MIF: variants seen among roughly 807,000 people sequenced by gnomAD.
MIF encodes the protein L-dopachrome isomerase.
A neutral mutation model predicts 11.3 loss-of-function variants in MIF; 16 were observed. That is an observed-to-expected ratio of 1.42 (90% CI 0.96 to 2.16). The LOEUF is 2.16. MIF is among the 30% of genes most tolerant of loss of function. The probability of loss-of-function intolerance (pLI) is 0.00; values close to 1 mark genes in which losing one functional copy is unlikely to be tolerated. For synonymous variants in MIF, 83 were observed against 74.2 expected (o/e 1.12, Z -0.61); for missense variants, 229 against 165.3 (o/e 1.39, Z -2.11).
chr22:23,894,635 G>A (rs1339907073), intron 1 of MIF, 53 bp downstream of exon 1: 4 of 1,564,090 alleles, frequency 2.6e-6, no homozygotes, highest in Admixed American at 3.5e-5. Flanking sequence ...GAGGGGTTCC[G>A]CGCTGGGAGC....
At chr22:23,894,622 G>C in intron 1 of MIF, 40 bp downstream of exon 1, 2 of 1,588,996 alleles carry the variant, frequency 1.3e-6, no homozygotes, top group Non-Finnish European at 1.7e-6. Context: ...GTGCCCACCG[G>C]ACGAGGGGTT....
intron 1 of MIF, 37 bp from the exon 2 acceptor site, chr22:23,894,735 G>A (rs1168687213): frequency 1.9e-5 from 29 of 1,490,298 alleles, no homozygotes; most frequent in Non-Finnish European, 2.5e-5. Flanking sequence ...GCCCGACGAG[G>A]TCGCTGGGGC....
Position 23,895,041 on chromosome 22 carries a change from G to T in MIF, c.283G>T (p.Val95Phe), listed in dbSNP as rs2033133621. ...GAGTCCGGCCTCCTCCCCCCGCAGG[G>T]TCTACATCAACTATTACGACATGAA... ...AERLRISPDR[V>F]YINYYDMNAA... is the part of the protein sequence containing the mutation. The change falls in exon 3 of 3, where the codon GTC becomes TTC. Residue 95 changes from valine to phenylalanine, a missense_variant and splice_region_variant. Physicochemically the swap from Val to Phe is conservative, Grantham distance 50. Transcript: ENST00000215754. 6.4e-7 allele frequency: 1 copy of T among 1,552,610 alleles called. No individual in the cohort carries two copies. The highest frequency in any genetic ancestry group is 8.7e-7 in the Non-Finnish European group (1 of 1,147,564).
intron 1 of MIF, 88 bp downstream of exon 1, chr22:23,894,670 C>T: frequency 2.4e-6 from 2 of 848,938 alleles, no homozygotes; most frequent in Non-Finnish European, 3.4e-6. Context: ...CTGAACGGAG[C>T]TGGGGGGCGG....
chr22:23,894,989 G>A (rs201753606), intron 2 of MIF, 45 bp downstream of exon 2: 4 of 1,542,276 alleles, frequency 2.6e-6, no homozygotes, highest in South Asian at 2.4e-5. Flanking sequence ...GCGGCGCGCG[G>A]CCAGGCCCGG....
chr22:23,895,134 C>G lies in MIF; in HGVS notation c.*28C>G. On this transcript the variant is annotated 3_prime_UTR_variant, in exon 3 of 3. Transcript: ENST00000215754. ...GCCGCAGGGACCCACGCTGTCTGCG[C>G]TGGCTCCACCCGGGAACCCGCCGCA... 6.5e-7 allele frequency: 1 copy of G among 1,550,010 alleles called. No individual in the cohort carries two copies. Among genetic ancestry groups the G allele is most frequent in the South Asian group, 1.2e-5 (1 of 84,094 alleles).
rs201956930 is a variant in MIF at position 23,895,097 on chromosome 22, C to T, written c.339C>T (p.Thr113=). The part of the protein sequence containing the change: ...NAANVGWNNS[T]FA ...CCAATGTGGGCTGGAACAACTCCAC[C>T]TTCGCCTAAGAGCCGCAGGGACCCA... The change falls in exon 3 of 3, where the codon ACC becomes ACT. Residue 113 remains threonine (T), a synonymous_variant. Transcript: ENST00000215754. 1 of 1,556,394 alleles carries T rather than the reference C, an allele frequency of 6.4e-7. No individual in the cohort carries two copies. The highest frequency in any genetic ancestry group is 1.2e-5 in the South Asian group (1 of 84,524).
In MIF at chr22:23,894,864, G is replaced by A; in HGVS notation, c.201G>A (p.Lys67=). The A allele has an allele frequency of 6.4e-7, 1 of 1,553,794 alleles. No homozygotes were observed. ...CALCSLHSIG[K]IGGAQNRSYS... is the part of the protein sequence containing the mutation. The stretch of plus-strand genomic sequence containing the variant: ...TCTGCAGCCTGCACAGCATCGGCAA[G>A]ATCGGCGGCGCGCAGAACCGCTCCT... The change falls in exon 2 of 3, where the codon AAG becomes AAA. Residue 67 remains lysine, a synonymous_variant. Coordinates refer to ENST00000215754, the MANE Select transcript of MIF (RefSeq NM_002415.2).
chr22:23,894,777 CGCGGTG>C lies in MIF; in HGVS notation c.115_120del (p.Ala39_Val40del), dbSNP rs2033124504. Reference sequence around the variant, plus strand: ...ACCGCGCCCTTTCCTCGCAGTACATCGCGGTGCACGTGGTCCCGGACCAGCTCATGG... The same window carrying C: ...ACCGCGCCCTTTCCTCGCAGTACATCCACGTGGTCCCGGACCAGCTCATGG... On this transcript the variant is annotated inframe_deletion, in exon 2 of 3. Transcript: ENST00000215754. 1 of 1,537,636 alleles carries C rather than the reference CGCGGTG, an allele frequency of 6.5e-7. No homozygotes were observed. The highest frequency in any genetic ancestry group is 1.9e-5 in the Admixed American group (1 of 51,912).
Position 23,895,191 on chromosome 22 carries a change from T to G in MIF, c.*85T>G, listed in dbSNP as rs774146748. Reference sequence around the variant, plus strand: ...GTTCTAGGCCCGCCCACCCCAACCTTCTGGTGGGGAGAAATAAACGGTTTA... The same window carrying G: ...GTTCTAGGCCCGCCCACCCCAACCTGCTGGTGGGGAGAAATAAACGGTTTA... On this transcript the variant is annotated 3_prime_UTR_variant, in exon 3 of 3. Coordinates refer to ENST00000215754, the MANE Select transcript of MIF (RefSeq NM_002415.2). 2.2e-6 allele frequency: 3 copies of G among 1,344,526 alleles called. No homozygotes were observed. Among genetic ancestry groups the G allele is most frequent in the Non-Finnish European group, 3.1e-6 (3 of 958,526 alleles). 83.3% of individuals were successfully genotyped at this position (1,344,526 alleles called of 1,614,324 possible). A position where few individuals can be genotyped will look rare whatever the true frequency, so the allele number is the denominator to read the frequency against.
rs1207904304 is a variant in MIF, at chr22:23,894,950, C to T, written c.281+6C>T. ...CTGCGCATCAGCCCGGACAGGTACG[C>T]GGAGTCGCGGAGGGGCGGGGGAGGG... On this transcript the variant is annotated splice_donor_region_variant and intron_variant, in intron 2 of 2. Coordinates refer to ENST00000215754, the MANE Select transcript of MIF (RefSeq NM_002415.2). The T allele has an allele frequency of 6.5e-7, 1 of 1,550,132 alleles. No homozygotes were observed. Among genetic ancestry groups the T allele is most frequent in the Non-Finnish European group, 8.7e-7 (1 of 1,147,196 alleles).
Position 23,894,407 on chromosome 22 carries a change from G to A in MIF, c.-68G>A. 2 of 1,307,822 alleles carry A rather than the reference G, an allele frequency of 1.5e-6. No individual in the cohort carries two copies. The highest frequency in any genetic ancestry group is 1.1e-6 in the Non-Finnish European group (1 of 905,784). The allele number at this position is 1,307,822 out of a possible 1,614,324, so 81.0% of individuals were successfully genotyped here. On this transcript the variant is annotated 5_prime_UTR_variant, in exon 1 of 3. Coordinates refer to ENST00000215754, the MANE Select transcript of MIF (RefSeq NM_002415.2). ...CAGTGGTGTCCGAGAAGTCAGGCAC[G>A]TAGCTCAGCGGCGGCCGCGGCGCGT... is the stretch of plus-strand genomic sequence containing the variant.
At position 23,894,899 on chromosome 22, in the gene MIF, T is replaced by C; in HGVS notation, c.236T>C (p.Leu79Pro). The C allele has an allele frequency of 6.4e-7, 1 of 1,554,222 alleles. No individual in the cohort carries two copies. ...GGAQNRSYSKLLCGLLAERLR... is the reference protein window; with the variant it reads ...GGAQNRSYSKPLCGLLAERLR... ...GCGCAGAACCGCTCCTACAGCAAGC[T>C]GCTGTGCGGCCTGCTGGCCGAGCGC... The change falls in exon 2 of 3, where the codon CTG becomes CCG. Residue 79 changes from leucine (L) to proline (P), a missense_variant. Transcript: ENST00000215754.
At position 23,895,031 on chromosome 22, in the gene MIF, C is replaced by T. The variant is rs189811391; in HGVS notation, c.282-9C>T. ...GCCACCCGCTGAGTCCGGCCTCCTC[C>T]CCCCGCAGGGTCTACATCAACTATT... On this transcript the variant is annotated splice_polypyrimidine_tract_variant and intron_variant, in intron 2 of 2. Transcript: ENST00000215754. 2,972 of 1,545,302 alleles carry T rather than the reference C, an allele frequency of 1.9e-3. 20 individuals carry two copies. Among genetic ancestry groups the T allele is most frequent in the African/African-American group, 0.014 (1,022 of 73,260 alleles).
At chr22:23,894,981 G>A (rs1047822767) in intron 2 of MIF, 37 bp downstream of exon 2, 1 of 1,544,320 alleles carries the variant, frequency 6.5e-7, no homozygotes, top group Non-Finnish European at 8.7e-7. Context: ...GAGGGGCGGC[G>A]GCGCGCGGCC....
Position 23,895,120 on chromosome 22 carries a change from C to G in MIF, c.*14C>G. Reference sequence around the variant, plus strand: ...ACCTTCGCCTAAGAGCCGCAGGGACCCACGCTGTCTGCGCTGGCTCCACCC... The same window carrying G: ...ACCTTCGCCTAAGAGCCGCAGGGACGCACGCTGTCTGCGCTGGCTCCACCC... On this transcript the variant is annotated 3_prime_UTR_variant, in exon 3 of 3. Coordinates refer to ENST00000215754, the MANE Select transcript of MIF (RefSeq NM_002415.2). 3 of 1,552,808 alleles carry G rather than the reference C, an allele frequency of 1.9e-6. No homozygotes were observed. The highest frequency in any genetic ancestry group is 2.6e-6 in the Non-Finnish European group (3 of 1,147,658).
rs1306764684 is a variant in MIF, at chr22:23,894,447, G to A, written c.-28G>A. On this transcript the variant is annotated 5_prime_UTR_variant, in exon 1 of 3. Coordinates refer to ENST00000215754, the MANE Select transcript of MIF (RefSeq NM_002415.2). The stretch of plus-strand genomic sequence containing the variant: ...CCGCGGCGCGTGCGTCTGTGCCTCT[G>A]CGCGGGTCTCCTGGTCCTTCTGCCA... 3 of 1,586,286 alleles carry A rather than the reference G, an allele frequency of 1.9e-6. No individual in the cohort carries two copies. The highest frequency in any genetic ancestry group is 1.7e-5 in the Admixed American group (1 of 59,760).
Position 23,894,412 on chromosome 22 carries a change from T to C in MIF, c.-63T>C. On this transcript the variant is annotated 5_prime_UTR_variant, in exon 1 of 3. Transcript: ENST00000215754. Reference sequence around the variant, plus strand: ...GTGTCCGAGAAGTCAGGCACGTAGCTCAGCGGCGGCCGCGGCGCGTGCGTC... The same window carrying C: ...GTGTCCGAGAAGTCAGGCACGTAGCCCAGCGGCGGCCGCGGCGCGTGCGTC... The C allele has an allele frequency of 1.5e-6, 2 of 1,368,254 alleles. No homozygotes were observed. The highest frequency in any genetic ancestry group is 2.3e-5 in the East Asian group (1 of 43,388). The allele number at this position is 1,368,254 out of a possible 1,614,324, so 84.8% of individuals were successfully genotyped here. A position where few individuals can be genotyped will look rare whatever the true frequency, so the allele number is the denominator to read the frequency against.
At position 23,894,775 on chromosome 22, in the gene MIF, A is replaced by G; in HGVS notation, c.112A>G (p.Ile38Val). ...TGACCGCGCCCTTTCCTCGCAGTAC[A>G]TCGCGGTGCACGTGGTCCCGGACCA... Reference protein sequence around the residue: ...AQATGKPPQYIAVHVVPDQLM... With the variant: ...AQATGKPPQYVAVHVVPDQLM... Residue 38 changes from isoleucine (I) to valine (V), a missense_variant, in exon 2 of 3, where the codon ATC becomes GTC. Ile to Val is a conservative substitution (Grantham distance 29). Transcript: ENST00000215754. The G allele has an allele frequency of 2.6e-6, 4 of 1,537,174 alleles. No individual in the cohort carries two copies. Among genetic ancestry groups the G allele is most frequent in the Non-Finnish European group, 3.5e-6 (4 of 1,144,340 alleles).
Sources: allele counts gnomAD v4.1 joint callset, GRCh38; gene constraint gnomAD v4.1.1; transcripts MANE v1.5; gene names NCBI Gene and HGNC (gene_info 2026-07-23, HGNC 2026-07-21).